PFKFB4: variants seen among roughly 807,000 people sequenced by gnomAD.
The protein encoded by PFKFB4 is 6-phosphofructo-2-kinase/fructose-2,6-bisphosphatase 4.
A neutral mutation model predicts 62.8 loss-of-function variants in PFKFB4; 42 were observed. The observed-to-expected ratio is 0.67, with a 90% CI of 0.52 to 0.86. PFKFB4 has a LOEUF of 0.86. Among genes scored for constraint, PFKFB4 ranks in the 40% least tolerant of loss-of-function variants. The probability of loss-of-function intolerance (pLI) is 0.00; values close to 1 mark genes in which losing one functional copy is unlikely to be tolerated. For missense variants in PFKFB4, 475 were observed against 627.2 expected (o/e 0.76, Z 2.59); for synonymous variants, 204 against 240.7 (o/e 0.85, Z 1.41).
rs1010902564 is a variant in PFKFB4 at position 48,536,179 on chromosome 3, A to C, written c.840+77T>G. 4.0e-6 allele frequency: 5 copies of C among 1,239,024 alleles called. No individual in the cohort carries two copies. In the East Asian group the frequency reaches 9.4e-5, roughly 23 times the overall value. The allele number at this position is 1,239,024 out of a possible 1,614,324, so 76.8% of individuals were successfully genotyped here. ...AAGAATGGGAGCCTAGCCCCAGCGC[A>C]CTCACACATGCATATACCCAGCCAC... On this transcript the variant is annotated intron_variant, in intron 8 of 13. Transcript: ENST00000232375.
At chr3:48,531,080 G>A (rs2042412191) in intron 9 of PFKFB4, among the ~76,000 whole-genome samples, 1 of 152,058 alleles carries the variant, frequency 6.6e-6, no homozygotes, top group African/African-American at 2.4e-5. Flanking sequence ...AAAAAAATAT[G>A]GACAGGTTGG....
intron 9 of PFKFB4, chr3:48,525,960 T>C (rs2042245061): frequency 4.6e-6 from 1 of 216,100 alleles, no homozygotes; most frequent in Non-Finnish European, 9.1e-6. Flanking sequence ...ATAGTACTTG[T>C]GAGTGTAGGT....
intron 9 of PFKFB4, among the ~76,000 whole-genome samples, chr3:48,528,748 C>A (rs1424935170): frequency 6.6e-6 from 1 of 152,168 alleles, no homozygotes; most frequent in Non-Finnish European, 1.5e-5. Flanking sequence ...AACTCAAATG[C>A]CCATCAACTG....
At chr3:48,543,300 T>C (rs1439483407) in intron 4 of PFKFB4, among the ~76,000 whole-genome samples, 6 of 152,202 alleles carry the variant, frequency 3.9e-5, no homozygotes, top group Non-Finnish European at 7.3e-5. Context: ...GGCAACCTGA[T>C]ACCTGTAACT....
At chr3:48,562,139 C>T (rs1201929198), upstream of PFKFB4, 1 of 152,896 alleles carries the variant, frequency 6.5e-6, no homozygotes, top group Non-Finnish European at 1.5e-5. The surrounding 1 kb of genome is among the most constrained non-coding windows in gnomAD (Gnocchi z 4.3). Context: ...CATATGCGCC[C>T]ATAAGACAAG....
chr3:48,524,597 CTT>C (rs2042199098), intron 10 of PFKFB4, among the ~76,000 whole-genome samples: 1 of 152,192 alleles, frequency 6.6e-6, no homozygotes, highest in Non-Finnish European at 1.5e-5. Context: ...CAGCCAGCTG[CTT>C]TGTTTCTCCT....
At chr3:48,555,775 G>A (rs997450391) in intron 1 of PFKFB4, among the ~76,000 whole-genome samples, 5 of 152,036 alleles carry the variant, frequency 3.3e-5, no homozygotes, top group Non-Finnish European at 4.4e-5. Flanking sequence ...GTGTGGTGGC[G>A]CACCTATAAT....
chr3:48,522,068 C>A lies in PFKFB4; in HGVS notation c.1286-18G>T, dbSNP rs1306023784. On this transcript the variant is annotated intron_variant, in intron 12 of 13. Transcript: ENST00000232375. ...TTTACAACCTGCCAAAGGGAAGATG[C>A]AAATCCATCCCCACTCCTGAAAGGC... is the stretch of plus-strand genomic sequence containing the variant. The A allele has an allele frequency of 6.2e-7, 1 of 1,612,250 alleles. No individual in the cohort carries two copies. The highest frequency in any genetic ancestry group is 8.5e-7 in the Non-Finnish European group (1 of 1,178,270).
chr3:48,531,891 A>G (rs1406804873), intron 9 of PFKFB4, among the ~76,000 whole-genome samples: 2 of 152,198 alleles, frequency 1.3e-5, no homozygotes, highest in African/African-American at 2.4e-5. Context: ...TTAAAAAAAG[A>G]AAAGAAAAGA....
intron 4 of PFKFB4, among the ~76,000 whole-genome samples, chr3:48,541,346 G>T (rs1338372999): frequency 6.6e-6 from 1 of 151,596 alleles, no homozygotes; most frequent in African/African-American, 2.4e-5. Flanking sequence ...AGCCAGGATG[G>T]TCTTGATCTC....
intron 3 of PFKFB4, among the ~76,000 whole-genome samples, chr3:48,547,135 G>A (rs540241411): frequency 2.6e-5 from 4 of 152,314 alleles, no homozygotes; most frequent in African/African-American, 7.2e-5. Context: ...ATGTATGAGC[G>A]TGCTCAGGTG....
chr3:48,562,740 CT>C, upstream of PFKFB4: 1 of 1,488,336 alleles, frequency 6.7e-7, no homozygotes, highest in African/African-American at 1.4e-5. This position sits in a 1 kb window ranked among gnomAD's most constrained non-coding sequence, Gnocchi z 4.3. Flanking sequence ...CCCTCCAGGT[CT>C]TCCCATCCAG....
upstream of PFKFB4, chr3:48,561,244 G>A: frequency 2.7e-6 from 1 of 370,006 alleles, no homozygotes; most frequent in Non-Finnish European, 4.7e-6. This position sits in a 1 kb window ranked among gnomAD's most constrained non-coding sequence, Gnocchi z 5.2. Context: ...CCCACTGTAG[G>A]CCCGCCCCCA....
chr3:48,552,424 GGT>G (rs1258207326), intron 1 of PFKFB4, among the ~76,000 whole-genome samples: 1 of 152,266 alleles, frequency 6.6e-6, no homozygotes, highest in African/African-American at 2.4e-5. Context: ...TGACCCAAAT[GGT>G]GAGCCTCAGG....
rs777197262 is a variant in PFKFB4 at position 48,556,772 on chromosome 3, C to T, written c.6G>A (p.Ala2=). Residue 2 remains alanine (A), a synonymous_variant, in exon 1 of 14, where the codon GCG becomes GCA. Coordinates refer to ENST00000232375, the MANE Select transcript of PFKFB4 (RefSeq NM_004567.4). The surrounding 1 kb of genome is among the most constrained non-coding windows in gnomAD (Gnocchi z 5.7). M[A]SPRELTQNPL... is the part of the protein sequence containing the mutation. Reference sequence around the variant, plus strand: ...GGTTCTGTGTCAATTCCCGTGGGGACGCCATCCCGGGGCCGGGATGAGTCG... The same window carrying T: ...GGTTCTGTGTCAATTCCCGTGGGGATGCCATCCCGGGGCCGGGATGAGTCG... 1.2e-6 allele frequency: 2 copies of T among 1,600,462 alleles called. No homozygotes were observed. Among genetic ancestry groups the T allele is most frequent in the Non-Finnish European group, 1.7e-6 (2 of 1,173,786 alleles).
chr3:48,533,125 C>T (rs1043043126), intron 9 of PFKFB4, among the ~76,000 whole-genome samples: 4 of 152,100 alleles, frequency 2.6e-5, no homozygotes, highest in African/African-American at 7.2e-5. Flanking sequence ...TCATAGCACA[C>T]CACAGCCTCA....
In PFKFB4 at chr3:48,521,916, G is replaced by T; in HGVS notation, c.1350+70C>A. ...AGGTGCCGCAGCTGGGCCTGGCCCT[G>T]GAGGATGTGCAGTCTGGACACCCCC... On this transcript the variant is annotated intron_variant, in intron 13 of 13. Transcript: ENST00000232375. The surrounding 1 kb of genome is among the most constrained non-coding windows in gnomAD (Gnocchi z 5.3). 7.7e-7 allele frequency: 1 copy of T among 1,294,342 alleles called. No individual in the cohort carries two copies. The highest frequency in any genetic ancestry group is 1.1e-6 in the Non-Finnish European group (1 of 887,952). 80.2% of individuals were successfully genotyped at this position (1,294,342 alleles called of 1,614,324 possible).
intron 9 of PFKFB4, among the ~76,000 whole-genome samples, chr3:48,527,109 GTTCT>G (rs1350860384): frequency 3.3e-5 from 5 of 152,100 alleles, no homozygotes; most frequent in Non-Finnish European, 7.3e-5. Flanking sequence ...GTGAGGAAGC[GTTCT>G]TTATTAGCAC....
upstream of PFKFB4, chr3:48,562,129 C>T (rs1166221891): frequency 6.5e-6 from 1 of 152,836 alleles, no homozygotes; most frequent in East Asian, 1.9e-4. This position sits in a 1 kb window ranked among gnomAD's most constrained non-coding sequence, Gnocchi z 4.3. Flanking sequence ...CACACACGCA[C>T]ATATGCGCCC....
Sources: allele counts gnomAD v4.1 joint callset (sites outside exome capture counted in the v4.1 genomes callset), GRCh38; gene constraint gnomAD v4.1.1; non-coding constraint Gnocchi (gnomAD v3.1); transcripts MANE v1.5; gene names NCBI Gene and HGNC (gene_info 2026-07-23, HGNC 2026-07-21).